Variants in TRIP12 observed in about 807,000 individuals in gnomAD.
TRIP12 encodes thyroid hormone receptor interactor 12.
TRIP12 carries 25 observed loss-of-function variants against 244.2 expected under a neutral mutation model. That is an observed-to-expected ratio of 0.10 (90% confidence interval 0.07 to 0.14). The LOEUF (loss-of-function observed/expected upper bound fraction) is 0.14, where lower values mean the gene tolerates loss of function less well. Ranked by LOEUF, TRIP12 falls within the 10% of genes least tolerant of loss-of-function variation. The pLI is 1.00. For missense variants in TRIP12, 1,677 were observed against 2,486.4 expected, an observed-to-expected ratio of 0.67 and a Z score of 6.92; for synonymous variants, 905 against 873.1, an observed-to-expected ratio of 1.04 and a Z score of -0.64.
At chr2:229,831,170 T>C in intron 6 of TRIP12, 1 of 708,868 alleles carries the variant, frequency 1.4e-6, no homozygotes, top group Non-Finnish European at 2.6e-6. Flanking sequence ...AAGAACATAC[T>C]GCTGTAACAA....
chr2:229,882,926 A>G (rs1427543884), intron 1 of TRIP12, among the ~76,000 whole-genome samples: 1 of 152,254 alleles, frequency 6.6e-6, no homozygotes, highest in East Asian at 1.9e-4. Flanking sequence ...AATAGCAGGT[A>G]AGAACAAAGC....
At chr2:229,815,487 T>C (rs937431511) in intron 9 of TRIP12, among the ~76,000 whole-genome samples, 179 bp from the exon 10 acceptor site, 1 of 151,848 alleles carries the variant, frequency 6.6e-6, no homozygotes, top group South Asian at 2.1e-4. Flanking sequence ...ACACTCAGGA[T>C]GGTTCATCAC....
intron 2 of TRIP12, among the ~76,000 whole-genome samples, chr2:229,879,421 T>C (rs763239405): frequency 6.6e-6 from 1 of 152,206 alleles, no homozygotes; most frequent in Non-Finnish European, 1.5e-5. Context: ...ACATCTGATC[T>C]GATTCTTCAC....
In TRIP12 at chr2:229,789,832, T is replaced by C. The variant is rs1286893978; in HGVS notation, c.4544-70A>G. 9.2e-6 allele frequency: 14 copies of C among 1,529,370 alleles called. 1 individual carries two copies. Among genetic ancestry groups the C allele is most frequent in the Middle Eastern group, 3.5e-4 (2 of 5,758 alleles). 94.7% of individuals were successfully genotyped at this position (1,529,370 alleles called of 1,614,324 possible). A position where few individuals can be genotyped will look rare whatever the true frequency, so the allele number is the denominator to read the frequency against. ...GGCTAAGCCAGTGCAGCCAAGGTCCTATCATCGCTAAAAGAGTAACAGAAG... is the reference window on the plus strand; with the variant it reads ...GGCTAAGCCAGTGCAGCCAAGGTCCCATCATCGCTAAAAGAGTAACAGAAG... On this transcript the variant is annotated intron_variant, in intron 30 of 41. Transcript: ENST00000675903.
chr2:229,865,318 C>CAAAA (rs767610234), intron 2 of TRIP12, among the ~76,000 whole-genome samples: 34 of 66,782 alleles, frequency 5.1e-4, no homozygotes, highest in African/African-American at 2.3e-3. Flanking sequence ...CTCTCAACTA[C>CAAAA]AAAAAAAAAA....
chr2:229,814,173 T>C lies in TRIP12; in HGVS notation c.1824+60A>G, dbSNP rs569103131. Reference sequence around the variant, plus strand: ...ACTGCAATCAAGTAGCCTGTACAAATGTGGATTTTAAAAATTCTACATAAA... The same window carrying C: ...ACTGCAATCAAGTAGCCTGTACAAACGTGGATTTTAAAAATTCTACATAAA... On this transcript the variant is annotated intron_variant, in intron 12 of 41. Coordinates refer to ENST00000675903, the MANE Select transcript of TRIP12 (RefSeq NM_001348323.3). The C allele has an allele frequency of 4.4e-6, 7 of 1,586,122 alleles. No individual in the cohort carries two copies. The African/African-American group carries it at 8.1e-5, about 18-fold the overall frequency.
chr2:229,909,557 T>TA (rs770353018), intron 1 of TRIP12, among the ~76,000 whole-genome samples: 2,579 of 121,478 alleles, frequency 0.021, 66 homozygotes, highest in African/African-American at 0.069. Context: ...AGACCTTGTC[T>TA]AAAAAAAAAA....
At chr2:229,922,060 C>G (rs2076697741), upstream of TRIP12, 1 of 155,118 alleles carries the variant, frequency 6.4e-6, no homozygotes, top group African/African-American at 2.4e-5. Flanking sequence ...CCCGCCTGCT[C>G]TGACACCCTC....
intron 22 of TRIP12, 79 bp from the exon 23 acceptor site, chr2:229,799,128 TCTTAACAGATTA>T: frequency 6.4e-7 from 1 of 1,560,804 alleles, no homozygotes; most frequent in Admixed American, 1.8e-5. Flanking sequence ...AGATTCACAG[TCTTAACAGATTA>T]ATTAACTGAA....
chr2:229,913,471 T>C (rs372854042), intron 1 of TRIP12, among the ~76,000 whole-genome samples: 19 of 152,358 alleles, frequency 1.2e-4, no homozygotes, highest in African/African-American at 3.8e-4. Flanking sequence ...TAAATATGTA[T>C]TGATAAATAA....
At chr2:229,785,947 G>T in intron 33 of TRIP12, 92 bp from the exon 34 acceptor site, 1 of 1,165,438 alleles carries the variant, frequency 8.6e-7, no homozygotes, top group Non-Finnish European at 1.2e-6. Flanking sequence ...AAAAGAACAA[G>T]ATCAACTCAA....
chr2:229,919,488 G>A (rs1347031051), intron 1 of TRIP12, among the ~76,000 whole-genome samples: 3 of 151,694 alleles, frequency 2.0e-5, no homozygotes, highest in African/African-American at 7.3e-5. Flanking sequence ...ACTTTGCCAG[G>A]TGAAAGTACT....
chr2:229,901,475 T>C (rs1245457356), intron 1 of TRIP12, among the ~76,000 whole-genome samples: 1 of 151,306 alleles, frequency 6.6e-6, no homozygotes, highest in Non-Finnish European at 1.5e-5. Context: ...ACACAAAAAT[T>C]AGCCAGGTGT....
At position 229,860,539 on chromosome 2, in the gene TRIP12, C is replaced by T. The variant is rs755618651; in HGVS notation, c.99-8G>A. 7 of 1,580,704 alleles carry T rather than the reference C, an allele frequency of 4.4e-6. No individual in the cohort carries two copies. The East Asian group carries it at 1.6e-4, about 36-fold the overall frequency. On this transcript the variant is annotated splice_region_variant and splice_polypyrimidine_tract_variant and intron_variant, in intron 2 of 41. Transcript: ENST00000675903. ...GCCTGCCCTAAATGTGACCTGTCAG[C>T]AGAAAATCAAAACAGAAATCTATCA...
chr2:229,874,982 C>T (rs1366620422), intron 2 of TRIP12, among the ~76,000 whole-genome samples: 1 of 152,120 alleles, frequency 6.6e-6, no homozygotes, highest in Non-Finnish European at 1.5e-5. Flanking sequence ...GAGGTGGTAG[C>T]CTACAAATAC....
chr2:229,822,141 A>AAAAC lies in TRIP12; in HGVS notation c.1451-3633_1451-3630dup, dbSNP rs368721599. On this transcript the variant is annotated intron_variant, in intron 8 of 41. Transcript: ENST00000675903. ...AGCGACAAGAGCGAGACTCCGTCTC[A>AAAAC]AAACAAACAAACAAACAAACAAAAA... Among the ~76,000 whole-genome samples, 372 of 152,280 alleles carry AAAAC rather than the reference A, an allele frequency of 2.4e-3. 2 individuals are homozygous for AAAAC. Among genetic ancestry groups the AAAAC allele is most frequent in the African/African-American group, 7.4e-3 (308 of 41,570 alleles).
intron 7 of TRIP12, among the ~76,000 whole-genome samples, 179 bp from the exon 8 acceptor site, chr2:229,829,467 CCAGCAGGAA>C (rs2052704736): frequency 6.6e-6 from 1 of 152,126 alleles, no homozygotes; most frequent in African/African-American, 2.4e-5. Context: ...TAAATCAGTG[CCAGCAGGAA>C]TGTGTAAATA....
At chr2:229,860,374 C>G (rs755510695) in intron 3 of TRIP12, 32 bp downstream of exon 3, 27 of 1,579,416 alleles carry the variant, frequency 1.7e-5, no homozygotes, top group Non-Finnish European at 2.2e-5. Context: ...ATAATTCTGC[C>G]TTGAAAATGT....
At position 229,916,873 on chromosome 2, in the gene TRIP12, A is replaced by AC. The variant is rs397827640; in HGVS notation, c.-50+5006_-50+5007insG. 1.3e-4 allele frequency among the ~76,000 whole-genome samples: 19 copies of AC among 151,488 alleles called. No individual in the cohort carries two copies. In the East Asian group the frequency reaches 3.5e-3, roughly 28 times the overall value. ...TTAAATTTTACTTAAAAAAAAAAAA[A>AC]GAAAAATCAAGGGACAGGTCTAGCA... On this transcript the variant is annotated intron_variant, in intron 1 of 41. Transcript: ENST00000675903.
Sources: gnomAD v4.1 joint callset for allele counts (sites outside exome capture counted in the v4.1 genomes callset) on GRCh38, gnomAD v4.1.1 for gene constraint, MANE v1.5 for transcripts, NCBI Gene and HGNC (gene_info 2026-07-23, HGNC 2026-07-21) for gene names.